Variants in GALNT14 observed in about 807,000 individuals in gnomAD.
The protein encoded by GALNT14 is polypeptide N-acetylgalactosaminyltransferase 14.
Under a neutral mutation model 77.5 loss-of-function variants are expected in GALNT14, and 60 were observed. The observed-to-expected ratio is 0.77, with a 90% CI of 0.63 to 0.96. The LOEUF (loss-of-function observed/expected upper bound fraction) is 0.96, where lower values mean the gene tolerates loss of function less well. Among genes scored for constraint, GALNT14 ranks in the 40% least tolerant of loss-of-function variants. The probability of loss-of-function intolerance (pLI) is 0.00; values close to 1 mark genes in which losing one functional copy is unlikely to be tolerated. For synonymous variants in GALNT14, 280 were observed against 281.7 expected (o/e 0.99, Z 0.06); for missense variants, 710 against 731.0 (o/e 0.97, Z 0.33).
chr2:31,089,976 A>G (rs1319716215), intron 1 of GALNT14, among the ~76,000 whole-genome samples: 2 of 152,200 alleles, frequency 1.3e-5, no homozygotes, highest in South Asian at 2.1e-4. Context: ...TCCAAGTTAC[A>G]TGCAGAGGAA....
At position 31,044,578 on chromosome 2, in the gene GALNT14, T is replaced by C. The variant is rs13417993; in HGVS notation, c.130-51571A>G. 3.6e-3 allele frequency among the ~76,000 whole-genome samples: 547 copies of C among 152,294 alleles called. 6 individuals carry two copies. The highest frequency in any genetic ancestry group is 0.012 in the African/African-American group (500 of 41,550). On this transcript the variant is annotated intron_variant, in intron 1 of 14. Coordinates refer to ENST00000349752, the MANE Select transcript of GALNT14 (RefSeq NM_024572.4). ...AAAGATTCTTCTAGAAATTACATAC[T>C]GGCTACACTTGATCCCAAGTGCTTT...
At chr2:30,982,735 G>A (rs1471435428) in intron 2 of GALNT14, among the ~76,000 whole-genome samples, 1 of 152,216 alleles carries the variant, frequency 6.6e-6, no homozygotes, top group Admixed American at 6.5e-5. Flanking sequence ...AGGAACATAG[G>A]TGTGTTCTCT....
At chr2:30,957,734 G>A (rs1003110162) in intron 4 of GALNT14, among the ~76,000 whole-genome samples, 2 of 152,176 alleles carry the variant, frequency 1.3e-5, no homozygotes, top group African/African-American at 4.8e-5. Context: ...AGGACCTGGA[G>A]CTGTCCACAG....
intron 2 of GALNT14, among the ~76,000 whole-genome samples, chr2:30,970,182 TG>T (rs1053070052): frequency 2.6e-5 from 4 of 152,096 alleles, no homozygotes; most frequent in African/African-American, 9.7e-5. Flanking sequence ...GCATCTTTGC[TG>T]GGGGGTTCTG....
intron 1 of GALNT14, among the ~76,000 whole-genome samples, chr2:31,020,111 C>T (rs1354775219): frequency 6.6e-6 from 1 of 152,154 alleles, no homozygotes; most frequent in Non-Finnish European, 1.5e-5. Context: ...CCAGCCACTG[C>T]TGTCAGAAAT....
At chr2:31,018,963 C>A (rs751883376) in intron 1 of GALNT14, among the ~76,000 whole-genome samples, 6 of 152,132 alleles carry the variant, frequency 3.9e-5, no homozygotes, top group African/African-American at 1.2e-4. Context: ...GGCCCCCTCA[C>A]AAATGACAGC....
intron 1 of GALNT14, among the ~76,000 whole-genome samples, chr2:31,085,305 G>T (rs1676373803): frequency 6.6e-6 from 1 of 152,192 alleles, no homozygotes; most frequent in African/African-American, 2.4e-5. Context: ...AGGGACATCG[G>T]GGTACCCCAG....
intron 1 of GALNT14, among the ~76,000 whole-genome samples, chr2:31,078,588 G>T (rs1017385152): frequency 2.6e-5 from 4 of 152,200 alleles, no homozygotes; most frequent in African/African-American, 9.6e-5. Context: ...CTTGGAGCCA[G>T]ATCAAATCAA....
intron 1 of GALNT14, among the ~76,000 whole-genome samples, chr2:31,107,263 T>C (rs1677606481): frequency 6.6e-6 from 1 of 152,130 alleles, no homozygotes; most frequent in Admixed American, 6.6e-5. Context: ...TTTGCGTTGA[T>C]TACAAATAAG....
intron 12 of GALNT14, 45 bp from the exon 13 acceptor site, chr2:30,924,308 G>T (rs1251948924): frequency 6.3e-7 from 1 of 1,599,056 alleles, no homozygotes; most frequent in Admixed American, 1.7e-5. Flanking sequence ...CTGCTCATTG[G>T]ATTAGCAAGA....
chr2:31,017,965 A>G (rs1200655469), intron 1 of GALNT14, among the ~76,000 whole-genome samples: 1 of 152,234 alleles, frequency 6.6e-6, no homozygotes. Flanking sequence ...GACAAGGGTA[A>G]AATTGCCCTC....
At chr2:30,970,287 C>T (rs1668269762) in intron 2 of GALNT14, among the ~76,000 whole-genome samples, 1 of 152,146 alleles carries the variant, frequency 6.6e-6, no homozygotes. Flanking sequence ...AGAACCTGGG[C>T]TCTGATGCCT....
chr2:31,127,354 A>G (rs1429860216), intron 1 of GALNT14, among the ~76,000 whole-genome samples: 5 of 152,270 alleles, frequency 3.3e-5, no homozygotes, highest in African/African-American at 9.6e-5. Context: ...TTTTATATTT[A>G]TAAATCTTTC....
At chr2:30,998,742 A>T (rs542444940) in intron 1 of GALNT14, among the ~76,000 whole-genome samples, 1 of 152,306 alleles carries the variant, frequency 6.6e-6, no homozygotes, top group East Asian at 1.9e-4. Context: ...CAGCTTGTCA[A>T]TGCTGGAGCT....
intron 1 of GALNT14, among the ~76,000 whole-genome samples, chr2:31,031,966 C>T (rs1672441540): frequency 6.6e-6 from 1 of 152,194 alleles, no homozygotes; most frequent in Admixed American, 6.5e-5. Flanking sequence ...CCTCTCCTCT[C>T]GGAACTTCTC....
intron 2 of GALNT14, among the ~76,000 whole-genome samples, chr2:30,976,944 A>G (rs1466502753): frequency 4.6e-5 from 7 of 152,074 alleles, no homozygotes; most frequent in East Asian, 1.9e-4. Flanking sequence ...GAAAGTCACA[A>G]TGAGTGAGTG....
intron 13 of GALNT14, 119 bp from the exon 14 acceptor site, chr2:30,912,461 T>TA: frequency 8.9e-7 from 1 of 1,117,698 alleles, no homozygotes; most frequent in East Asian, 2.4e-5. Flanking sequence ...AGGGTCCCAG[T>TA]AGGCAATGAT....
chr2:31,026,334 G>C (rs1339076343), intron 1 of GALNT14, among the ~76,000 whole-genome samples: 1 of 152,164 alleles, frequency 6.6e-6, no homozygotes, highest in African/African-American at 2.4e-5. Context: ...ATCCTTCTTA[G>C]TCTTAGCACG....
intron 1 of GALNT14, among the ~76,000 whole-genome samples, chr2:31,127,334 T>A (rs1678751321): frequency 6.6e-6 from 1 of 152,186 alleles, no homozygotes. Context: ...TCCTACAAAC[T>A]AAGAAAGGAT....
Sources: allele counts gnomAD v4.1 joint callset (sites outside exome capture counted in the v4.1 genomes callset), GRCh38; gene constraint gnomAD v4.1.1; transcripts MANE v1.5; gene names NCBI Gene and HGNC (gene_info 2026-07-23, HGNC 2026-07-21).